The following CPT1A variants were observed in gnomAD, a reference collection of about 807,000 sequenced individuals.
The protein encoded by CPT1A is carnitine O-palmitoyltransferase 1, liver isoform.
Under a neutral mutation model 100.8 loss-of-function variants are expected in CPT1A, and 64 were observed. That is an observed-to-expected ratio of 0.63 (90% confidence interval 0.52 to 0.78). The LOEUF is 0.78. CPT1A is among the 30% of genes least tolerant of loss of function. The pLI is 0.00. For missense variants in CPT1A, 802 were observed against 1,034.1 expected (o/e 0.78, Z 3.08); for synonymous variants, 363 against 396.0 (o/e 0.92, Z 0.99).
At chr11:68,822,991 A>T (rs962230170) in intron 1 of CPT1A, among the ~76,000 whole-genome samples, 1 of 152,146 alleles carries the variant, frequency 6.6e-6, no homozygotes, top group African/African-American at 2.4e-5. Flanking sequence ...GGTGATGAAA[A>T]CATTCCAAAA....
intron 4 of CPT1A, among the ~76,000 whole-genome samples, chr11:68,804,628 G>C (rs1185808794): frequency 6.6e-6 from 1 of 152,204 alleles, no homozygotes; most frequent in African/African-American, 2.4e-5. Context: ...AAACCAGGTA[G>C]AATCAAAGCC....
chr11:68,757,376 C>G lies in CPT1A; in HGVS notation c.*268G>C. ...TTCATTAACTCAACAAGATTTGCAT[C>G]CCTTAATAAATCCAAGCCGATGCGG... On this transcript the variant is annotated 3_prime_UTR_variant, in exon 19 of 19. Coordinates refer to ENST00000265641, the MANE Select transcript of CPT1A (RefSeq NM_001876.4). 1 of 1,336,680 alleles carries G rather than the reference C, an allele frequency of 7.5e-7. No individual in the cohort carries two copies. 82.8% of individuals were successfully genotyped at this position (1,336,680 alleles called of 1,614,324 possible).
intron 14 of CPT1A, among the ~76,000 whole-genome samples, chr11:68,764,204 C>T (rs1854720176): frequency 6.6e-6 from 1 of 152,186 alleles, no homozygotes; most frequent in South Asian, 2.1e-4. Flanking sequence ...CTGCGTGCTG[C>T]CCCAAGAAGG....
chr11:68,811,688 G>A (rs1856213736), intron 3 of CPT1A, among the ~76,000 whole-genome samples: 1 of 152,166 alleles, frequency 6.6e-6, no homozygotes, highest in Admixed American at 6.5e-5. Flanking sequence ...TTTCTCACTG[G>A]TAAAAGGGAC....
chr11:68,796,746 T>C, intron 7 of CPT1A, 110 bp downstream of exon 7: 3 of 1,032,182 alleles, frequency 2.9e-6, no homozygotes, highest in Non-Finnish European at 4.4e-6. Flanking sequence ...CATGAGCCAA[T>C]CCCCAGAGTT....
chr11:68,777,758 C>T (rs557543634), intron 12 of CPT1A, among the ~76,000 whole-genome samples: 52 of 152,358 alleles, frequency 3.4e-4, no homozygotes, highest in African/African-American at 1.2e-3. Flanking sequence ...CTGTGTGATC[C>T]AGCTGCCTAT....
At chr11:68,843,555 G>A (rs1857198378), upstream of CPT1A, among the ~76,000 whole-genome samples, 1 of 152,212 alleles carries the variant, frequency 6.6e-6, no homozygotes, top group African/African-American at 2.4e-5. This position sits in a 1 kb window ranked among gnomAD's most constrained non-coding sequence, Gnocchi z 4.0. Flanking sequence ...GCGCGTGCAA[G>A]CGGGGCCCTG....
intron 1 of CPT1A, chr11:68,839,411 C>T (rs975764693): frequency 1.4e-6 from 1 of 718,868 alleles, no homozygotes; most frequent in Non-Finnish European, 1.7e-6. Flanking sequence ...GGGGAAAGGT[C>T]AGCAGCAGCC....
intron 4 of CPT1A, 110 bp from the exon 5 acceptor site, chr11:68,804,211 TG>T: frequency 1.3e-6 from 1 of 795,882 alleles, no homozygotes; most frequent in East Asian, 2.6e-5. Flanking sequence ...AGTACTTGGA[TG>T]GGAGAATGAC....
chr11:68,760,189 G>T, intron 17 of CPT1A, 36 bp downstream of exon 17: 1 of 1,451,458 alleles, frequency 6.9e-7, no homozygotes, highest in Non-Finnish European at 9.5e-7. Flanking sequence ...CCATCACCAC[G>T]CCCCACTGCG....
intron 14 of CPT1A, among the ~76,000 whole-genome samples, chr11:68,771,118 C>A (rs1390382996): frequency 6.6e-6 from 1 of 152,220 alleles, no homozygotes; most frequent in Non-Finnish European, 1.5e-5. Flanking sequence ...TTTGTGGAGT[C>A]TCTGAGCTGC....
intron 1 of CPT1A, among the ~76,000 whole-genome samples, chr11:68,839,043 T>C (rs1857093918): frequency 6.6e-6 from 1 of 151,892 alleles, no homozygotes; most frequent in South Asian, 2.1e-4. Context: ...AAACAAACAA[T>C]CTCGAACAGC....
At chr11:68,772,912 C>T (rs12293710) in intron 14 of CPT1A, among the ~76,000 whole-genome samples, 1 of 152,024 alleles carries the variant, frequency 6.6e-6, no homozygotes, top group South Asian at 2.1e-4. Flanking sequence ...CTGACTATTC[C>T]CCTACCTGCC....
chr11:68,761,259 A>C (rs544784038), intron 16 of CPT1A, among the ~76,000 whole-genome samples: 5 of 149,740 alleles, frequency 3.3e-5, no homozygotes, highest in African/African-American at 1.2e-4. Flanking sequence ...CTCACAGCTC[A>C]TCACTCCCTA....
downstream of CPT1A, chr11:68,754,859 T>G (rs772137339): frequency 1.2e-5 from 9 of 780,930 alleles, no homozygotes; most frequent in Non-Finnish European, 2.2e-5. Context: ...CCCCTTAATA[T>G]AACAAAAGAG....
At chr11:68,767,484 G>C (rs1854841410) in intron 14 of CPT1A, among the ~76,000 whole-genome samples, 1 of 152,140 alleles carries the variant, frequency 6.6e-6, no homozygotes, top group African/African-American at 2.4e-5. Context: ...AGCTACCTGG[G>C]AGACTGAGGT....
chr11:68,792,710 G>A (rs1022322049), intron 9 of CPT1A, among the ~76,000 whole-genome samples: 21 of 152,200 alleles, frequency 1.4e-4, no homozygotes, highest in Non-Finnish European at 2.4e-4. Flanking sequence ...CATCACAAAC[G>A]CTGACTGTGA....
intron 14 of CPT1A, among the ~76,000 whole-genome samples, chr11:68,772,089 C>G (rs185365037): frequency 6.6e-6 from 1 of 152,194 alleles, no homozygotes. Context: ...CGGTGGCTCA[C>G]GCCTATAATC....
rs539447825 is a variant in CPT1A at position 68,807,462 on chromosome 11, A to G, written c.453+5T>C. ...CCCTCCACAGCCAGAGGGACACGCAATTACCATCCAGATCTTGGTGGCACG... is the reference window on the plus strand; with the variant it reads ...CCCTCCACAGCCAGAGGGACACGCAGTTACCATCCAGATCTTGGTGGCACG... On this transcript the variant is annotated splice_donor_5th_base_variant and intron_variant, in intron 4 of 18. Transcript: ENST00000265641. 27 of 1,613,738 alleles carry G rather than the reference A, an allele frequency of 1.7e-5. 1 individual carries two copies. In the South Asian group the frequency reaches 2.7e-4, roughly 16 times the overall value.
Sources: gnomAD v4.1 joint callset for allele counts (sites outside exome capture counted in the v4.1 genomes callset) on GRCh38, gnomAD v4.1.1 for gene constraint, Gnocchi (gnomAD v3.1) non-coding constraint, MANE v1.5 for transcripts, NCBI Gene and HGNC (gene_info 2026-07-23, HGNC 2026-07-21) for gene names.